The following HERC2 variants were observed in gnomAD, a reference collection of about 807,000 sequenced individuals.
HERC2 encodes the protein HECT and RLD domain containing E3 ubiquitin protein ligase 2, also known as E3 ubiquitin-protein ligase HERC2.
A neutral mutation model predicts 537.7 loss-of-function variants in HERC2; 102 were observed. That is an observed-to-expected ratio of 0.19 (90% CI 0.16 to 0.22). The LOEUF is 0.22. Among genes scored for constraint, HERC2 ranks in the 10% least tolerant of loss-of-function variants. HERC2 has a pLI of 1.00. For synonymous variants in HERC2, 2,224 were observed against 2,466.2 expected (o/e 0.90, Z 2.91); for missense variants, 4,236 against 6,198.2 (o/e 0.68, Z 10.63).
At chr15:28,250,526 A>G (rs2075041012) in intron 20 of HERC2, among the ~76,000 whole-genome samples, 3 of 152,212 alleles carry the variant, frequency 2.0e-5, no homozygotes, top group Admixed American at 2.0e-4. Context: ...CACTACTTAT[A>G]AAAACTTCAC....
At chr15:28,192,734 T>G (rs528865373) in intron 52 of HERC2, among the ~76,000 whole-genome samples, 1 of 152,182 alleles carries the variant, frequency 6.6e-6, no homozygotes, top group Non-Finnish European at 1.5e-5. Flanking sequence ...TGTTCCCTGA[T>G]GGCATCACCA....
rs1891495381 is a variant in HERC2 at position 28,144,109 on chromosome 15, G to A, written c.11267C>T (p.Ser3756Leu). The change falls in exon 73 of 93, where the codon TCG (serine) becomes TTG (leucine). Residue 3756 changes from serine (S) to leucine (L), a missense_variant. Ser to Leu is a moderately radical substitution (Grantham distance 145, BLOSUM62 -2). Transcript: ENST00000261609. ...ACTCAGCTGTGCACAAGCTGCCAGC[G>A]AGGCCGCAAGGCGAGGGACGATGCT... ...NRSIVPRLAA[S>L]LAACAQLSAL... 3 of 1,614,192 alleles carry A rather than the reference G, an allele frequency of 1.9e-6. No homozygotes were observed. Among genetic ancestry groups the A allele is most frequent in the South Asian group, 1.1e-5 (1 of 91,090 alleles).
intron 21 of HERC2, among the ~76,000 whole-genome samples, chr15:28,247,889 C>T (rs533695804): frequency 6.6e-6 from 1 of 152,156 alleles, no homozygotes; most frequent in Non-Finnish European, 1.5e-5. Context: ...AAAAAAACAG[C>T]TACAAAATTA....
chr15:28,171,318 TA>T (rs1248696756), intron 65 of HERC2, among the ~76,000 whole-genome samples: 1 of 152,200 alleles, frequency 6.6e-6, no homozygotes, highest in Non-Finnish European at 1.5e-5. Flanking sequence ...GCCAGAGGAT[TA>T]GGCTGAGCAG....
intron 12 of HERC2, among the ~76,000 whole-genome samples, chr15:28,267,777 C>A (rs1372095434): frequency 6.6e-6 from 1 of 152,274 alleles, no homozygotes; most frequent in African/African-American, 2.4e-5. Flanking sequence ...TCAAGGGACA[C>A]AAGTGCAGTC....
chr15:28,179,197 T>C lies in HERC2; in HGVS notation c.8964A>G (p.Thr2988=), dbSNP rs1019855385. Residue 2988 remains threonine (T), a synonymous_variant, in exon 58 of 93, where the codon ACA becomes ACG. Transcript: ENST00000261609. ...CCTGTACCACATTCAAAGCTGACAG[T>C]GTCTCAGAGAACGAAGGAACCTTTA... The part of the protein sequence containing the change: ...SKIKVPSFSE[T]LSALNVVQVA... The C allele has an allele frequency of 2.5e-6, 4 of 1,611,798 alleles. No individual in the cohort carries two copies. The highest frequency in any genetic ancestry group is 2.7e-5 in the African/African-American group (2 of 74,762).
In HERC2 at chr15:28,254,023, C is replaced by T. The variant is rs527290788; in HGVS notation, c.3050+317G>A. ...AATAGACCGGGAGTGGTGGGTGATGCCTGTAATCCCAACACTTTGGGAGGC... is the reference window on the plus strand; with the variant it reads ...AATAGACCGGGAGTGGTGGGTGATGTCTGTAATCCCAACACTTTGGGAGGC... On this transcript the variant is annotated intron_variant, in intron 20 of 92. Coordinates refer to ENST00000261609, the MANE Select transcript of HERC2 (RefSeq NM_004667.6). Among the ~76,000 whole-genome samples, 7 of 151,664 alleles carry T rather than the reference C, an allele frequency of 4.6e-5. No homozygotes were observed. In the South Asian group the frequency reaches 1.0e-3, roughly 23 times the overall value.
chr15:28,143,812 A>G, intron 74 of HERC2, 61 bp downstream of exon 74: 2 of 1,605,554 alleles, frequency 1.2e-6, no homozygotes, highest in Non-Finnish European at 8.5e-7. Context: ...TTAGACTACT[A>G]AAGCAACATT....
At chr15:28,217,276 G>A (rs1435472207) in intron 38 of HERC2, among the ~76,000 whole-genome samples, 8 of 151,666 alleles carry the variant, frequency 5.3e-5, no homozygotes, top group Admixed American at 3.9e-4. Context: ...ATGCACTGAC[G>A]CTTTCACTCC....
chr15:28,123,620 T>C (rs1366167059), intron 85 of HERC2, among the ~76,000 whole-genome samples: 2 of 152,224 alleles, frequency 1.3e-5, no homozygotes, highest in Non-Finnish European at 2.9e-5. Context: ...CTGTGACTCC[T>C]GGCCCCCTCT....
intron 16 of HERC2, among the ~76,000 whole-genome samples, chr15:28,259,239 C>A (rs554327530): frequency 6.6e-6 from 1 of 152,136 alleles, no homozygotes; most frequent in African/African-American, 2.4e-5. Context: ...GGATTACAGG[C>A]GCACATCACC....
At chr15:28,235,232 ACT>A (rs917340181) in intron 26 of HERC2, among the ~76,000 whole-genome samples, 10 of 151,374 alleles carry the variant, frequency 6.6e-5, no homozygotes, top group African/African-American at 1.9e-4. Context: ...TCCAATGCCG[ACT>A]CTCTCTGGCC....
At chr15:28,213,505 C>T in intron 42 of HERC2, 1 of 234,130 alleles carries the variant, frequency 4.3e-6, no homozygotes. Flanking sequence ...TGCACGGTAC[C>T]TTCTAGGTTG....
chr15:28,128,989 T>G (rs1220040993), intron 83 of HERC2, among the ~76,000 whole-genome samples: 1 of 152,236 alleles, frequency 6.6e-6, no homozygotes, highest in East Asian at 1.9e-4. Context: ...CATCTCTGAC[T>G]GACTCTTCTG....
intron 35 of HERC2, 34 bp from the exon 36 acceptor site, chr15:28,222,249 C>G (rs763764941): frequency 3.9e-6 from 5 of 1,289,312 alleles, no homozygotes; most frequent in South Asian, 1.2e-5. Context: ...GCTGAGCCAA[C>G]AAGTAGCTAC....
intron 83 of HERC2, among the ~76,000 whole-genome samples, chr15:28,128,789 GGA>G (rs1463657125): frequency 6.6e-6 from 1 of 152,134 alleles, no homozygotes; most frequent in African/African-American, 2.4e-5. Flanking sequence ...AGGCCCCAGG[GGA>G]GAGTTTCCTT....
In HERC2 at chr15:28,127,532, C is replaced by A. The variant is rs145048438; in HGVS notation, c.12803-2339G>T. On this transcript the variant is annotated intron_variant, in intron 83 of 92. Coordinates refer to ENST00000261609, the MANE Select transcript of HERC2 (RefSeq NM_004667.6). The stretch of plus-strand genomic sequence containing the variant: ...ATAAACCAGGGTATTGTTTACATTA[C>A]TATTCCCTGGCTTTGTCCACTGAGG... Among the ~76,000 whole-genome samples the A allele has an allele frequency of 2.1e-3, 325 of 152,352 alleles. 1 individual carries two copies. The highest frequency in any genetic ancestry group is 9.5e-3 in the South Asian group (46 of 4,830).
chr15:28,179,097 T>G (rs1240908239), intron 58 of HERC2, 45 bp downstream of exon 58: 53 of 1,598,270 alleles, frequency 3.3e-5, no homozygotes, highest in Non-Finnish European at 4.2e-5. Flanking sequence ...TGTTTTTTGG[T>G]GCCAAGCATA....
intron 4 of HERC2, among the ~76,000 whole-genome samples, chr15:28,284,923 A>AG (rs2076116452): frequency 7.3e-6 from 1 of 136,094 alleles, no homozygotes; most frequent in Non-Finnish European, 1.5e-5. Context: ...GTCTCGGAAA[A>AG]AAAAAAAAAA....
Sources: allele counts gnomAD v4.1 joint callset (sites outside exome capture counted in the v4.1 genomes callset), GRCh38; gene constraint gnomAD v4.1.1; transcripts MANE v1.5; gene names NCBI Gene and HGNC (gene_info 2026-07-23, HGNC 2026-07-21).